Variants in TFR2 observed in about 807,000 individuals in gnomAD.
TFR2 encodes the protein transferrin receptor 2, also known as transferrin receptor protein 2.
A neutral mutation model predicts 91.9 loss-of-function variants in TFR2; 64 were observed. That is an observed-to-expected ratio of 0.70 (90% CI 0.57 to 0.86). TFR2 has a LOEUF of 0.86. Ranked by LOEUF, TFR2 falls within the 40% of genes least tolerant of loss-of-function variation. TFR2 has a pLI of 0.00. For missense variants in TFR2, 950 were observed against 1,080.5 expected, an observed-to-expected ratio of 0.88 and a Z score of 1.69; for synonymous variants, 454 against 459.6, an observed-to-expected ratio of 0.99 and a Z score of 0.15.
chr7:100,625,085 T>G, intron 17 of TFR2, among the ~76,000 whole-genome samples: 4 of 148,842 alleles, frequency 2.7e-5, no homozygotes, highest in Admixed American at 6.7e-5. Context: ...TTGAGATGGA[T>G]TTTCGCTCTT....
intron 8 of TFR2, chr7:100,631,519 G>A: frequency 2.7e-6 from 1 of 372,892 alleles, no homozygotes; most frequent in Non-Finnish European, 5.0e-6. Context: ...AGATACTCTG[G>A]AGTCTGAGGC....
At chr7:100,623,887 C>CAA (rs36052130) in intron 17 of TFR2, among the ~76,000 whole-genome samples, 6,947 of 96,144 alleles carry the variant, frequency 0.072, 450 homozygotes, top group East Asian at 0.16. Flanking sequence ...CCTTCTCTAC[C>CAA]AAAAAAAAAA....
At position 100,641,140 on chromosome 7, in the gene TFR2, C is replaced by A; in HGVS notation, c.122G>T (p.Gly41Val). ...GGCCAATGTCTCCGCCCCCTCCTCCCCGTCTTCCTCTTCCTCCTCCAGGTG... is the reference window on the plus strand; with the variant it reads ...GGCCAATGTCTCCGCCCCCTCCTCCACGTCTTCCTCTTCCTCCTCCAGGTG... ...KGHLEEEEED[G>V]EEGAETLAHF... Residue 41 changes from glycine to valine, a missense_variant, in exon 2 of 18, where the codon GGG (glycine) becomes GTG (valine). Coordinates refer to ENST00000223051, the MANE Select transcript of TFR2 (RefSeq NM_003227.4). The A allele has an allele frequency of 1.9e-6, 3 of 1,551,430 alleles. No homozygotes were observed. Among genetic ancestry groups the A allele is most frequent in the South Asian group, 1.2e-5 (1 of 82,624 alleles).
rs2131320436 is a variant in TFR2, at chr7:100,633,253, G to A, written c.702C>T (p.Pro234=). ...LPLEDPDVYC[P]YSAIGNVTGE... is the part of the protein sequence containing the mutation. The stretch of plus-strand genomic sequence containing the variant: ...CCGTGACGTTGCCGATGGCGCTGTA[G>A]GGGCAGTAGACGTCAGGGTCCTCCA... The change falls in exon 5 of 18, where the codon CCC becomes CCT. Residue 234 remains proline (P), a synonymous_variant. Coordinates refer to ENST00000223051, the MANE Select transcript of TFR2 (RefSeq NM_003227.4). The A allele has an allele frequency of 9.9e-6, 16 of 1,613,864 alleles. No homozygotes were observed. Among genetic ancestry groups the A allele is most frequent in the Non-Finnish European group, 1.3e-5 (15 of 1,179,882 alleles).
At chr7:100,636,019 A>C (rs1385751079) in intron 3 of TFR2, among the ~76,000 whole-genome samples, 2 of 152,082 alleles carry the variant, frequency 1.3e-5, no homozygotes, top group South Asian at 4.1e-4. Flanking sequence ...ACAAAGTTAG[A>C]CTGTTTTAGT....
At chr7:100,629,489 C>A in intron 9 of TFR2, 117 bp from the exon 10 acceptor site, 1 of 1,571,678 alleles carries the variant, frequency 6.4e-7, no homozygotes. Flanking sequence ...GCCCTGCAGT[C>A]CCTCCAGTCC....
At chr7:100,624,709 T>A (rs530515254) in intron 17 of TFR2, among the ~76,000 whole-genome samples, 4 of 151,934 alleles carry the variant, frequency 2.6e-5, no homozygotes, top group African/African-American at 7.2e-5. Context: ...CTACAAAAAA[T>A]TTTAAAAATT....
chr7:100,641,014 G>A lies in TFR2; in HGVS notation c.248C>T (p.Pro83Leu), dbSNP rs1174363144. 2.5e-6 allele frequency: 4 copies of A among 1,604,566 alleles called. No individual in the cohort carries two copies. The highest frequency in any genetic ancestry group is 4.5e-5 in the East Asian group (2 of 44,724). Reference sequence around the variant, plus strand: ...CAGCAGGGCCGTCAGGACCAGGTAGGGGGCAGCCCTCCGTCCTGCTGCCGC... The same window carrying A: ...CAGCAGGGCCGTCAGGACCAGGTAGAGGGCAGCCCTCCGTCCTGCTGCCGC... The part of the protein sequence containing the change: ...PWAAAGRRAA[P>L]YLVLTALLIF... The change falls in exon 2 of 18, where the codon CCC becomes CTC. Residue 83 changes from proline to leucine, a missense_variant. Pro to Leu is a moderately conservative substitution (Grantham distance 98). Transcript: ENST00000223051.
At chr7:100,638,623 C>T (rs1321032925) in intron 3 of TFR2, among the ~76,000 whole-genome samples, 1 of 151,760 alleles carries the variant, frequency 6.6e-6, no homozygotes, top group African/African-American at 2.4e-5. Flanking sequence ...TGGTGGCAGG[C>T]ACCTGTGATC....
rs111840506 is a variant in TFR2, at chr7:100,641,477, C to A, written c.33G>T (p.Ala11=). The A allele has an allele frequency of 1.9e-6, 3 of 1,613,908 alleles. No individual in the cohort carries two copies. In the South Asian group the frequency reaches 3.3e-5, roughly 18 times the overall value. Residue 11 remains alanine (A), a splice_region_variant and synonymous_variant, in exon 1 of 18, where the codon GCG becomes GCT. Coordinates refer to ENST00000223051, the MANE Select transcript of TFR2 (RefSeq NM_003227.4). MERLWGLFQR[A]QQLSPRSSQT... is the part of the protein sequence containing the mutation. ...GTCTTCCCAATCCCACTAGTCTTAC[C>A]GCTCTCTGGAATAGACCCCAAAGCC...
Position 100,627,810 on chromosome 7 carries a change from G to A in TFR2, c.1616C>T (p.Pro539Leu). 1 of 1,614,046 alleles carries A rather than the reference G, an allele frequency of 6.2e-7. No individual in the cohort carries two copies. Among genetic ancestry groups the A allele is most frequent in the Non-Finnish European group, 8.5e-7 (1 of 1,179,984 alleles). The change falls in exon 14 of 18, where the codon CCC becomes CTC. Residue 539 changes from proline (P) to leucine (L), a missense_variant. By Grantham distance (98) the Pro-to-Leu change is moderately conservative. Transcript: ENST00000223051. ...IESVLKQVDS[P>L]NHSGQTLYEQ... ...ATAGAGAGTCTGCCCACTGTGGTTG[G>A]GAGAATCCACCTGGGGGTTGGGGAA...
chr7:100,626,526 C>T (rs1389211629), intron 17 of TFR2: 2 of 1,372,950 alleles, frequency 1.5e-6, no homozygotes, highest in African/African-American at 1.5e-5. Context: ...GTAAACCAGG[C>T]GACTGTGGCC....
At chr7:100,622,970 C>CCAAA (rs3991183) in intron 17 of TFR2, among the ~76,000 whole-genome samples, 2 of 149,426 alleles carry the variant, frequency 1.3e-5, no homozygotes, top group Admixed American at 6.7e-5. Flanking sequence ...GAAAACAAAA[C>CCAAA]CAAACAAACA....
intron 17 of TFR2, chr7:100,626,493 G>A (rs1042176657): frequency 3.0e-6 from 4 of 1,330,078 alleles, no homozygotes; most frequent in South Asian, 1.8e-5. Flanking sequence ...GGGGGAGGGT[G>A]GATTGTCCCA....
intron 17 of TFR2, among the ~76,000 whole-genome samples, chr7:100,622,659 C>T (rs547151507): frequency 6.6e-6 from 1 of 152,320 alleles, no homozygotes; most frequent in South Asian, 2.1e-4. Flanking sequence ...TGGTAACCTT[C>T]TACTATGGTA....
At chr7:100,634,177 A>AACAC (rs3076877) in intron 3 of TFR2, among the ~76,000 whole-genome samples, 12,119 of 132,542 alleles carry the variant, frequency 0.091, 603 homozygotes, top group Middle Eastern at 0.13. Flanking sequence ...TCCCGACGTC[A>AACAC]ACACACACAC....
chr7:100,630,234 TTCTC>T (rs1364233684), intron 9 of TFR2, among the ~76,000 whole-genome samples: 1 of 143,400 alleles, frequency 7.0e-6, no homozygotes, highest in South Asian at 2.3e-4. Context: ...CTTCCTTCCT[TTCTC>T]TCTCTCTCTT....
At chr7:100,624,586 CAG>C (rs1562836623) in intron 17 of TFR2, among the ~76,000 whole-genome samples, 3 of 152,144 alleles carry the variant, frequency 2.0e-5, no homozygotes, top group East Asian at 1.9e-4. Context: ...TTTACAAAAA[CAG>C]GGAGCAGAGG....
chr7:100,631,719 T>C (rs1803439937), intron 8 of TFR2, 87 bp downstream of exon 8: 1 of 1,536,452 alleles, frequency 6.5e-7, no homozygotes, highest in African/African-American at 1.4e-5. Flanking sequence ...GTCACCTTTT[T>C]CTAGTTCACC....
Sources: gnomAD v4.1 joint callset for allele counts (sites outside exome capture counted in the v4.1 genomes callset) on GRCh38, gnomAD v4.1.1 for gene constraint, MANE v1.5 for transcripts, NCBI Gene and HGNC (gene_info 2026-07-23, HGNC 2026-07-21) for gene names.